M1AP: variants seen among roughly 807,000 people sequenced by gnomAD.
M1AP encodes the protein meiosis 1 arrest protein.
In M1AP, 39 loss-of-function variants were observed where a neutral mutation model predicts 51.2. The observed-to-expected ratio is 0.76, with a 90% CI of 0.59 to 1.00. The LOEUF is 1.00. M1AP is among the 50% of genes least tolerant of loss of function. The pLI is 0.00. For missense variants in M1AP, 545 were observed against 641.2 expected, an observed-to-expected ratio of 0.85 and a Z score of 1.62; for synonymous variants, 251 against 249.2, an observed-to-expected ratio of 1.01 and a Z score of -0.07.
intron 4 of M1AP, among the ~76,000 whole-genome samples, chr2:74,584,874 A>G (rs568183155): frequency 3.4e-5 from 5 of 148,876 alleles, no homozygotes; most frequent in Non-Finnish European, 1.5e-5. Context: ...ATGGGGTCTC[A>G]CTCTGTCACC....
At chr2:74,562,542 A>C in intron 7 of M1AP, 119 bp from the exon 8 acceptor site, 1 of 1,046,376 alleles carries the variant, frequency 9.6e-7, no homozygotes, top group Non-Finnish European at 1.4e-6. Flanking sequence ...GAGCCATTTA[A>C]CTTCGGCCCT....
intron 5 of M1AP, chr2:74,577,074 G>C (rs948088927): frequency 2.2e-5 from 4 of 182,628 alleles, no homozygotes; most frequent in African/African-American, 4.7e-5. Context: ...CAACAGTGCA[G>C]GTCAGATGAA....
At chr2:74,594,167 C>A (rs1680197522) in intron 4 of M1AP, among the ~76,000 whole-genome samples, 1 of 152,162 alleles carries the variant, frequency 6.6e-6, no homozygotes, top group Non-Finnish European at 1.5e-5. Flanking sequence ...AAAATCAACA[C>A]TTTTCAGAGC....
chr2:74,630,569 G>T (rs1042858420), intron 2 of M1AP, among the ~76,000 whole-genome samples: 1 of 152,186 alleles, frequency 6.6e-6, no homozygotes, highest in Non-Finnish European at 1.5e-5. Flanking sequence ...ACTTATGAGT[G>T]AGAACATGCC....
rs12329122 is a variant in M1AP at position 74,566,611 on chromosome 2, C to T, written c.1075-4188G>A. On this transcript the variant is annotated intron_variant, in intron 7 of 10. Transcript: ENST00000421985. The stretch of plus-strand genomic sequence containing the variant: ...CTAGGTCACAGGAAGCCCACTGACT[C>T]ACGCTAGGCTGCTGTTCTAGCACCT... 7.6e-3 allele frequency among the ~76,000 whole-genome samples: 1,162 copies of T among 152,214 alleles called. 14 individuals are homozygous for T. Among genetic ancestry groups the T allele is most frequent in the Middle Eastern group, 0.014 (4 of 294 alleles).
chr2:74,585,257 C>T (rs889850737), intron 4 of M1AP, among the ~76,000 whole-genome samples: 1 of 152,186 alleles, frequency 6.6e-6, no homozygotes, highest in Non-Finnish European at 1.5e-5. Flanking sequence ...ATCTTAAGTG[C>T]AGCTCAGAGA....
At chr2:74,589,431 G>A (rs1474450178) in intron 4 of M1AP, among the ~76,000 whole-genome samples, 1 of 152,228 alleles carries the variant, frequency 6.6e-6, no homozygotes, top group Non-Finnish European at 1.5e-5. Flanking sequence ...CTCAGGAACT[G>A]TGCAAGAGTG....
At chr2:74,617,288 G>T (rs774314769) in intron 2 of M1AP, among the ~76,000 whole-genome samples, 168 of 152,316 alleles carry the variant, frequency 1.1e-3, no homozygotes, top group Non-Finnish European at 1.8e-3. Flanking sequence ...GGGCAGTCCA[G>T]CCTGGTGATG....
chr2:74,612,591 T>C (rs191818216), intron 3 of M1AP, among the ~76,000 whole-genome samples: 77 of 152,340 alleles, frequency 5.1e-4, no homozygotes, highest in African/African-American at 1.7e-3. Context: ...TTCTAGTTCC[T>C]TGAGGTGCAA....
chr2:74,564,768 A>G (rs1678266274), intron 7 of M1AP, among the ~76,000 whole-genome samples: 1 of 152,176 alleles, frequency 6.6e-6, no homozygotes, highest in Non-Finnish European at 1.5e-5. Flanking sequence ...TGGCCTGTTT[A>G]AGCCTGGAAG....
At chr2:74,596,383 C>T (rs1431194781) in intron 4 of M1AP, among the ~76,000 whole-genome samples, 3 of 152,128 alleles carry the variant, frequency 2.0e-5, no homozygotes, top group Non-Finnish European at 4.4e-5. Context: ...GAGATAGAGA[C>T]CATCCTGGCT....
intron 2 of M1AP, among the ~76,000 whole-genome samples, chr2:74,634,120 A>G (rs1403293129): frequency 6.6e-6 from 1 of 152,224 alleles, no homozygotes; most frequent in Non-Finnish European, 1.5e-5. Context: ...AAAGTCATGG[A>G]AAAAACACTT....
At chr2:74,637,535 T>C (rs1017260152) in intron 2 of M1AP, among the ~76,000 whole-genome samples, 8 of 152,256 alleles carry the variant, frequency 5.3e-5, no homozygotes, top group African/African-American at 1.4e-4. Flanking sequence ...CATAGTTTTG[T>C]ATTTCTATAA....
chr2:74,610,997 C>T (rs1411207332), intron 3 of M1AP, among the ~76,000 whole-genome samples: 1 of 152,214 alleles, frequency 6.6e-6, no homozygotes, highest in Non-Finnish European at 1.5e-5. Context: ...GTTGAACCAT[C>T]CTTGCACCCC....
intron 4 of M1AP, among the ~76,000 whole-genome samples, chr2:74,592,394 G>A (rs929384121): frequency 1.3e-5 from 2 of 152,034 alleles, no homozygotes; most frequent in African/African-American, 4.8e-5. Flanking sequence ...TCTAATTATG[G>A]GTGAGGTTGA....
chr2:74,640,459 T>G, intron 1 of M1AP, 132 bp from the exon 2 acceptor site: 5 of 687,362 alleles, frequency 7.3e-6, no homozygotes, highest in Non-Finnish European at 1.1e-5. Flanking sequence ...GTCCAGGCCA[T>G]CCTATTTTTT....
At chr2:74,622,940 T>TA (rs887908415) in intron 2 of M1AP, among the ~76,000 whole-genome samples, 5 of 136,752 alleles carry the variant, frequency 3.7e-5, no homozygotes, top group African/African-American at 5.7e-5. Flanking sequence ...TTATACACTT[T>TA]AAAAAAAAAT....
intron 2 of M1AP, among the ~76,000 whole-genome samples, chr2:74,627,306 A>G (rs1195435405): frequency 6.6e-6 from 1 of 152,116 alleles, no homozygotes; most frequent in South Asian, 2.1e-4. Context: ...TATAACTTTT[A>G]ACTTGTTGCT....
chr2:74,635,929 G>A (rs1431422498), intron 2 of M1AP, among the ~76,000 whole-genome samples: 12 of 151,982 alleles, frequency 7.9e-5, no homozygotes, highest in Admixed American at 6.6e-5. Context: ...AATGTTCCAC[G>A]GGTGCTTGAA....
Sources: gnomAD v4.1 joint callset for allele counts (sites outside exome capture counted in the v4.1 genomes callset) on GRCh38, gnomAD v4.1.1 for gene constraint, MANE v1.5 for transcripts, NCBI Gene and HGNC (gene_info 2026-07-23, HGNC 2026-07-21) for gene names.